Variants in CHN1 observed in about 807,000 individuals in gnomAD.
CHN1 encodes chimerin 1.
CHN1 carries 37 observed loss-of-function variants against 59.5 expected under a neutral mutation model. That is an observed-to-expected ratio of 0.62 (90% confidence interval 0.48 to 0.82). The LOEUF is 0.82. CHN1 is among the 40% of genes least tolerant of loss of function. The probability of loss-of-function intolerance (pLI) is 0.00; values close to 1 mark genes in which losing one functional copy is unlikely to be tolerated. For missense variants in CHN1, 469 were observed against 571.0 expected (o/e 0.82, Z 1.82); for synonymous variants, 206 against 200.4 (o/e 1.03, Z -0.24).
At chr2:174,916,026 C>G (rs1276173423) in intron 4 of CHN1, among the ~76,000 whole-genome samples, 1 of 152,166 alleles carries the variant, frequency 6.6e-6, no homozygotes, top group Non-Finnish European at 1.5e-5. Context: ...TCAAAAACAT[C>G]AAATGCAGAC....
intron 6 of CHN1, among the ~76,000 whole-genome samples, chr2:174,872,630 T>A (rs1426460461): frequency 3.3e-5 from 5 of 152,180 alleles, no homozygotes; most frequent in Admixed American, 3.3e-4. Flanking sequence ...GCTATCACCA[T>A]ATTATTAAAA....
At chr2:174,903,611 GTGC>G (rs1309667796) in intron 5 of CHN1, among the ~76,000 whole-genome samples, 23 of 151,986 alleles carry the variant, frequency 1.5e-4, no homozygotes, top group Admixed American at 1.2e-3. Flanking sequence ...CCATATCTAT[GTGC>G]TGCTTTTATA....
chr2:174,928,991 T>C (rs191670491), intron 3 of CHN1, among the ~76,000 whole-genome samples: 1 of 152,208 alleles, frequency 6.6e-6, no homozygotes, highest in Non-Finnish European at 1.5e-5. Context: ...GGGAAAAAAA[T>C]CAGGAAAATG....
At chr2:174,864,708 A>T (rs1345391107) in intron 6 of CHN1, among the ~76,000 whole-genome samples, 1 of 151,918 alleles carries the variant, frequency 6.6e-6, no homozygotes, top group East Asian at 1.9e-4. Context: ...CCATCGCTAC[A>T]AAAAAATTAG....
intron 7 of CHN1, chr2:174,837,344 G>A (rs529754971): frequency 6.6e-6 from 1 of 152,276 alleles, no homozygotes; most frequent in South Asian, 2.1e-4. Context: ...GTTCTAAAAA[G>A]AGAAACAGAG....
chr2:174,879,236 G>A (rs1187010073), intron 5 of CHN1, among the ~76,000 whole-genome samples: 1 of 152,148 alleles, frequency 6.6e-6, no homozygotes, highest in East Asian at 1.9e-4. Flanking sequence ...TTCTGGTATA[G>A]GTTATATTCC....
intron 1 of CHN1, among the ~76,000 whole-genome samples, chr2:174,955,745 A>T (rs1690185801): frequency 6.6e-6 from 1 of 152,224 alleles, no homozygotes; most frequent in Non-Finnish European, 1.5e-5. Flanking sequence ...TCCTTTGCAA[A>T]AATATGGAGG....
At chr2:174,866,836 T>C (rs1313441318) in intron 6 of CHN1, among the ~76,000 whole-genome samples, 3 of 152,198 alleles carry the variant, frequency 2.0e-5, no homozygotes, top group Admixed American at 1.3e-4. Context: ...TTTATAATTT[T>C]AAAGATACAG....
At chr2:174,811,412 G>C in intron 10 of CHN1, 99 bp downstream of exon 10, 1 of 736,406 alleles carries the variant, frequency 1.4e-6, no homozygotes, top group African/African-American at 1.8e-5. Flanking sequence ...AATCATCAAT[G>C]ATTTAGAAAA....
intron 8 of CHN1, among the ~76,000 whole-genome samples, chr2:174,816,797 A>AG (rs1172301618): frequency 6.6e-6 from 1 of 152,088 alleles, no homozygotes; most frequent in African/African-American, 2.4e-5. Context: ...AACTGGAAGA[A>AG]CTCTTATAAC....
At chr2:174,942,646 G>T (rs1475769206) in intron 3 of CHN1, among the ~76,000 whole-genome samples, 2 of 152,072 alleles carry the variant, frequency 1.3e-5, no homozygotes, top group Non-Finnish European at 2.9e-5. Flanking sequence ...TGAGGTAATG[G>T]ATATGCTAAT....
chr2:174,963,924 C>T (rs1690506516), intron 1 of CHN1, among the ~76,000 whole-genome samples: 1 of 152,150 alleles, frequency 6.6e-6, no homozygotes, highest in African/African-American at 2.4e-5. Context: ...CTGTGTGAGA[C>T]ATTCTCCTCG....
intron 1 of CHN1, among the ~76,000 whole-genome samples, chr2:174,986,065 T>C (rs1379852780): frequency 6.6e-6 from 1 of 152,168 alleles, no homozygotes; most frequent in Middle Eastern, 3.2e-3. Context: ...AATTGTGGAT[T>C]TGAGATTAGA....
intron 8 of CHN1, among the ~76,000 whole-genome samples, chr2:174,822,367 T>A (rs182460413): frequency 1.3e-5 from 2 of 152,206 alleles, no homozygotes; most frequent in African/African-American, 2.4e-5. Flanking sequence ...ATTATTGACA[T>A]GATAAATGTT....
At chr2:174,994,270 G>T (rs1691635813) in intron 1 of CHN1, among the ~76,000 whole-genome samples, 1 of 152,096 alleles carries the variant, frequency 6.6e-6, no homozygotes, top group Non-Finnish European at 1.5e-5. Flanking sequence ...TACAGTTGGG[G>T]AATCCATATT....
intron 6 of CHN1, among the ~76,000 whole-genome samples, chr2:174,868,700 G>A (rs371364782): frequency 1.3e-5 from 2 of 152,148 alleles, no homozygotes; most frequent in South Asian, 2.1e-4. Context: ...ACCCATGGGA[G>A]GCTGCTACAC....
At chr2:174,803,829 C>T (rs1484321816) in intron 11 of CHN1, among the ~76,000 whole-genome samples, 1 of 152,214 alleles carries the variant, frequency 6.6e-6, no homozygotes, top group Non-Finnish European at 1.5e-5. Context: ...GCTGGGATTA[C>T]AGGTGTAAAC....
chr2:174,854,624 TTC>T (rs1300620384), intron 6 of CHN1, among the ~76,000 whole-genome samples: 6 of 152,312 alleles, frequency 3.9e-5, no homozygotes, highest in African/African-American at 1.4e-4. Flanking sequence ...ACTGATTTAT[TTC>T]TGTCTTTGTT....
intron 7 of CHN1, among the ~76,000 whole-genome samples, chr2:174,842,012 T>C (rs190557226): frequency 6.6e-6 from 1 of 152,300 alleles, no homozygotes. Flanking sequence ...ATAAATCTAA[T>C]TAAAAGAAAA....
Sources: gnomAD v4.1 joint callset for allele counts (sites outside exome capture counted in the v4.1 genomes callset) on GRCh38, gnomAD v4.1.1 for gene constraint, MANE v1.5 for transcripts, NCBI Gene and HGNC (gene_info 2026-07-23, HGNC 2026-07-21) for gene names.